The following ANKRD45 variants were observed in gnomAD, a reference collection of about 807,000 sequenced individuals.
The protein encoded by ANKRD45 is ankyrin repeat domain 45, also known as ankyrin repeat domain-containing protein 45.
A neutral mutation model predicts 28.1 loss-of-function variants in ANKRD45; 21 were observed. The ratio of observed to expected loss-of-function variants is 0.75; its 90% CI spans 0.53 to 1.08. The LOEUF is 1.08. Among genes scored for constraint, ANKRD45 ranks in the 50% least tolerant of loss-of-function variants. ANKRD45 has a pLI of 0.00. For synonymous variants in ANKRD45, 86 were observed against 103.9 expected (o/e 0.83, Z 1.05); for missense variants, 261 against 308.7 (o/e 0.85, Z 1.16).
chr1:173,639,552 C>A (rs1668612559), intron 3 of ANKRD45, among the ~76,000 whole-genome samples: 1 of 152,188 alleles, frequency 6.6e-6, no homozygotes, highest in African/African-American at 2.4e-5. Context: ...GAGTTCTTAA[C>A]CATGGTTCTC....
chr1:173,705,131 A>T, the ANKRD45 span, among the ~76,000 whole-genome samples: 1 of 152,160 alleles, frequency 6.6e-6, no homozygotes, highest in Non-Finnish European at 1.5e-5. Context: ...CTCTGTCAAC[A>T]GCACTTCTAG....
chr1:173,644,272 A>G (rs1310409702), intron 3 of ANKRD45, among the ~76,000 whole-genome samples: 1 of 152,208 alleles, frequency 6.6e-6, no homozygotes, highest in African/African-American at 2.4e-5. Flanking sequence ...GTTAAATTTT[A>G]TGTTATTTAT....
chr1:173,708,899 C>A, the ANKRD45 span, among the ~76,000 whole-genome samples: 1 of 152,358 alleles, frequency 6.6e-6, no homozygotes, highest in Admixed American at 6.5e-5. Flanking sequence ...TAGCTCCCAT[C>A]GTAGTGCTCT....
chr1:173,674,418 T>G (rs1254597692), upstream of ANKRD45, among the ~76,000 whole-genome samples: 5 of 152,102 alleles, frequency 3.3e-5, no homozygotes, highest in African/African-American at 1.2e-4. Context: ...ATCAGTTGAT[T>G]TGGAAAGTTT....
intron 5 of ANKRD45, among the ~76,000 whole-genome samples, chr1:173,615,873 G>A (rs1667442918): frequency 6.6e-6 from 1 of 152,122 alleles, no homozygotes; most frequent in Admixed American, 6.5e-5. Flanking sequence ...GGAGGCAGAG[G>A]CAGGCGGATC....
the ANKRD45 span, among the ~76,000 whole-genome samples, chr1:173,705,988 A>G: frequency 6.6e-6 from 1 of 152,168 alleles, no homozygotes; most frequent in Non-Finnish European, 1.5e-5. Context: ...TTACTTAACA[A>G]CATGCCTGAA....
intron 3 of ANKRD45, among the ~76,000 whole-genome samples, chr1:173,645,708 C>T (rs1668886838): frequency 6.6e-6 from 1 of 152,160 alleles, no homozygotes; most frequent in Non-Finnish European, 1.5e-5. Context: ...ACCTACTACT[C>T]AATAAGGCAA....
intron 2 of ANKRD45, among the ~76,000 whole-genome samples, chr1:173,650,550 C>T (rs1259059089): frequency 6.6e-6 from 1 of 152,076 alleles, no homozygotes; most frequent in Non-Finnish European, 1.5e-5. Context: ...TGAATAGTGC[C>T]GCAATAAACA....
the ANKRD45 span, among the ~76,000 whole-genome samples, chr1:173,710,839 T>G: frequency 1.3e-5 from 2 of 152,164 alleles, no homozygotes; most frequent in East Asian, 3.9e-4. Context: ...TCACCTGACA[T>G]TCCTGGTGAG....
the ANKRD45 span, among the ~76,000 whole-genome samples, chr1:173,698,839 T>C: frequency 1.4e-5 from 2 of 146,838 alleles, no homozygotes; most frequent in African/African-American, 2.5e-5. Context: ...CTGAAGAAGA[T>C]AGAGACACAA....
At chr1:173,687,462 C>A in the ANKRD45 span, among the ~76,000 whole-genome samples, 8 of 110,506 alleles carry the variant, frequency 7.2e-5, no homozygotes, top group African/African-American at 9.2e-5. Context: ...CTACCCCCCC[C>A]CCACCCCTTT....
At chr1:173,699,804 T>C in the ANKRD45 span, among the ~76,000 whole-genome samples, 1 of 152,120 alleles carries the variant, frequency 6.6e-6, no homozygotes, top group Non-Finnish European at 1.5e-5. Flanking sequence ...CCACATAGTG[T>C]TGGAAGTTCT....
At chr1:173,637,049 G>A in intron 3 of ANKRD45, 1 of 1,432,068 alleles carries the variant, frequency 7.0e-7, no homozygotes, top group African/African-American at 1.4e-5. Flanking sequence ...AAATGCATAT[G>A]CAAATGTAGC....
the ANKRD45 span, among the ~76,000 whole-genome samples, chr1:173,708,834 G>C: frequency 6.6e-6 from 1 of 152,168 alleles, no homozygotes; most frequent in Non-Finnish European, 1.5e-5. Context: ...CTGAGAACAA[G>C]AATGACCAAG....
At chr1:173,633,363 A>T (rs1668277578) in intron 3 of ANKRD45, among the ~76,000 whole-genome samples, 2 of 152,098 alleles carry the variant, frequency 1.3e-5, no homozygotes, top group Admixed American at 1.3e-4. Flanking sequence ...AAAAATGGAA[A>T]GACATTCCAT....
At chr1:173,708,490 G>A in the ANKRD45 span, among the ~76,000 whole-genome samples, 1 of 152,232 alleles carries the variant, frequency 6.6e-6, no homozygotes, top group South Asian at 2.1e-4. Flanking sequence ...GACAATGCTG[G>A]TGCCTTGATC....
rs561962802 is a variant in ANKRD45, at chr1:173,613,494, C to T, written c.731-3279G>A. The stretch of plus-strand genomic sequence containing the variant: ...CCCCCGCCCGGCCAGCCGCCCCGTC[C>T]GGGAGGGAGGTGGGGGCTCAGCCCC... On this transcript the variant is annotated intron_variant, in intron 5 of 5. Transcript: ENST00000333279. Among the ~76,000 whole-genome samples, 27 of 148,770 alleles carry T rather than the reference C, an allele frequency of 1.8e-4. No homozygotes were observed. The South Asian group carries it at 2.3e-3, about 13-fold the overall frequency.
At chr1:173,620,594 C>G (rs2102319557) in intron 5 of ANKRD45, among the ~76,000 whole-genome samples, 1 of 152,146 alleles carries the variant, frequency 6.6e-6, no homozygotes, top group Non-Finnish European at 1.5e-5. Context: ...ACTCTGGGGA[C>G]TGTTGTGGGT....
the ANKRD45 span, among the ~76,000 whole-genome samples, chr1:173,711,909 T>C: frequency 1.9e-4 from 29 of 152,292 alleles, no homozygotes; most frequent in Non-Finnish European, 2.9e-5. Context: ...ATCACAGATA[T>C]ACAAAAATAG....
Sources: allele counts gnomAD v4.1 joint callset (sites outside exome capture counted in the v4.1 genomes callset), GRCh38; gene constraint gnomAD v4.1.1; transcripts MANE v1.5; gene names NCBI Gene and HGNC (gene_info 2026-07-23, HGNC 2026-07-21).